DPP10: variants seen among roughly 807,000 people sequenced by gnomAD.
DPP10 encodes the protein dipeptidyl peptidase like 10.
DPP10 carries 33 observed loss-of-function variants against 120.9 expected under a neutral mutation model. The observed-to-expected ratio is 0.27, with a 90% CI of 0.21 to 0.37. The LOEUF (loss-of-function observed/expected upper bound fraction) is 0.37, where lower values mean the gene tolerates loss of function less well. Among genes scored for constraint, DPP10 ranks in the 10% least tolerant of loss-of-function variants. The pLI, the probability that DPP10 is intolerant of heterozygous loss-of-function variation, is 1.00. For synonymous variants in DPP10, 337 were observed against 326.1 expected, an observed-to-expected ratio of 1.03 and a Z score of -0.36; for missense variants, 816 against 942.8, an observed-to-expected ratio of 0.87 and a Z score of 1.76.
intron 19 of DPP10, among the ~76,000 whole-genome samples, chr2:115,806,672 T>A (rs1686008537): frequency 6.6e-6 from 1 of 152,192 alleles, no homozygotes; most frequent in Admixed American, 6.5e-5. Context: ...TATGTATCCT[T>A]CGATATGTAG....
chr2:115,757,336 AAATAAT>A (rs1048176545), intron 11 of DPP10, among the ~76,000 whole-genome samples: 3 of 152,048 alleles, frequency 2.0e-5, no homozygotes, highest in Admixed American at 6.6e-5. Flanking sequence ...TTCCAAAAAA[AAATAAT>A]AATAATAAGG....
At chr2:114,836,710 G>A (rs948282885) in intron 1 of DPP10, among the ~76,000 whole-genome samples, 11 of 152,104 alleles carry the variant, frequency 7.2e-5, no homozygotes, top group Admixed American at 4.6e-4. Context: ...TGTATTAGGC[G>A]GGAATTTCCT....
intron 3 of DPP10, among the ~76,000 whole-genome samples, chr2:115,470,424 C>A (rs2074630200): frequency 6.6e-6 from 1 of 152,108 alleles, no homozygotes; most frequent in South Asian, 2.1e-4. Context: ...AGAAAAAAAC[C>A]TGGCCATCAA....
At chr2:114,766,844 C>T (rs867118777) in intron 1 of DPP10, among the ~76,000 whole-genome samples, 1 of 151,806 alleles carries the variant, frequency 6.6e-6, no homozygotes, top group Non-Finnish European at 1.5e-5. Flanking sequence ...GTTCTGCATC[C>T]TGATTGCAGT....
intron 1 of DPP10, among the ~76,000 whole-genome samples, chr2:114,780,520 A>G (rs1682225509): frequency 6.6e-6 from 1 of 152,124 alleles, no homozygotes; most frequent in South Asian, 2.1e-4. Flanking sequence ...ATGTGTTTAT[A>G]TAGTAAAACA....
intron 1 of DPP10, among the ~76,000 whole-genome samples, chr2:115,284,062 G>C (rs1222975521): frequency 6.6e-6 from 1 of 151,918 alleles, no homozygotes; most frequent in Non-Finnish European, 1.5e-5. Flanking sequence ...CTATACATAT[G>C]ATACTGGGTT....
At chr2:115,070,669 A>G (rs1707291812) in intron 1 of DPP10, among the ~76,000 whole-genome samples, 1 of 152,188 alleles carries the variant, frequency 6.6e-6, no homozygotes, top group Non-Finnish European at 1.5e-5. Flanking sequence ...TATATAGTAT[A>G]TGATTATAGA....
intron 1 of DPP10, among the ~76,000 whole-genome samples, chr2:114,556,269 A>ATATATATATATT (rs70937289): frequency 7.2e-6 from 1 of 139,432 alleles, no homozygotes; most frequent in African/African-American, 2.7e-5. Flanking sequence ...ATATATATAT[A>ATATATATATATT]GGCAAATAAT....
intron 1 of DPP10, among the ~76,000 whole-genome samples, chr2:114,517,054 C>A (rs1684650509): frequency 6.6e-6 from 1 of 151,896 alleles, no homozygotes; most frequent in South Asian, 2.1e-4. Flanking sequence ...TTAGGGTATT[C>A]TGTATCCTTG....
At chr2:114,477,730 T>C (rs1054925681) in intron 1 of DPP10, among the ~76,000 whole-genome samples, 19 of 101,630 alleles carry the variant, frequency 1.9e-4, no homozygotes, top group African/African-American at 5.2e-4. Context: ...TATACATATA[T>C]ACACATACAT....
At chr2:115,541,323 A>G (rs1012008906) in intron 5 of DPP10, among the ~76,000 whole-genome samples, 1 of 151,832 alleles carries the variant, frequency 6.6e-6, no homozygotes, top group Admixed American at 6.6e-5. Flanking sequence ...TGCGATGATC[A>G]TCCTTGCCCT....
intron 1 of DPP10, among the ~76,000 whole-genome samples, chr2:114,664,746 G>A (rs1178905571): frequency 6.6e-6 from 1 of 152,080 alleles, no homozygotes; most frequent in African/African-American, 2.4e-5. Context: ...TCCAAAAGAT[G>A]GCATAGAGCA....
chr2:115,437,278 A>T (rs1202150578), intron 3 of DPP10, among the ~76,000 whole-genome samples: 1 of 152,050 alleles, frequency 6.6e-6, no homozygotes, highest in Non-Finnish European at 1.5e-5. Context: ...CCTTTTTTAT[A>T]CATACAAATC....
At chr2:115,287,986 G>T (rs77536109) in intron 1 of DPP10, among the ~76,000 whole-genome samples, 1 of 152,062 alleles carries the variant, frequency 6.6e-6, no homozygotes, top group Non-Finnish European at 1.5e-5. Context: ...AAATACACGT[G>T]CAAGTGTCTT....
intron 1 of DPP10, among the ~76,000 whole-genome samples, chr2:114,627,176 A>G (rs899139815): frequency 1.8e-4 from 28 of 152,096 alleles, no homozygotes; most frequent in Admixed American, 2.0e-4. Flanking sequence ...AGTTAGATAA[A>G]ATATTTGCTA....
At chr2:115,288,270 C>T (rs1274810777) in intron 1 of DPP10, among the ~76,000 whole-genome samples, 3 of 151,836 alleles carry the variant, frequency 2.0e-5, no homozygotes, top group African/African-American at 7.3e-5. Flanking sequence ...TTGCATTTCC[C>T]TGATGATTAG....
At chr2:114,714,805 C>A (rs1701251819) in intron 1 of DPP10, among the ~76,000 whole-genome samples, 1 of 151,882 alleles carries the variant, frequency 6.6e-6, no homozygotes, top group African/African-American at 2.4e-5. Context: ...AAAATGATTT[C>A]TGAGGGTTCT....
intron 1 of DPP10, among the ~76,000 whole-genome samples, chr2:114,888,666 ACT>A (rs1692287521): frequency 6.6e-6 from 1 of 152,322 alleles, no homozygotes; most frequent in South Asian, 2.1e-4. Flanking sequence ...TTAAAAAGTT[ACT>A]GTTTCCTTTT....
At chr2:115,262,961 C>A (rs2059316687) in intron 1 of DPP10, among the ~76,000 whole-genome samples, 1 of 152,114 alleles carries the variant, frequency 6.6e-6, no homozygotes. Context: ...TACATTTATA[C>A]CCTTTTCCCC....
Sources: gnomAD v4.1 joint callset for allele counts (sites outside exome capture counted in the v4.1 genomes callset) on GRCh38, gnomAD v4.1.1 for gene constraint, MANE v1.5 for transcripts, NCBI Gene and HGNC (gene_info 2026-07-23, HGNC 2026-07-21) for gene names.